SMIM17: variants seen among roughly 807,000 people sequenced by gnomAD.
SMIM17 encodes small integral membrane protein 17.
Under a neutral mutation model 12.2 loss-of-function variants are expected in SMIM17, and 10 were observed. The ratio of observed to expected loss-of-function variants is 0.82; its 90% CI spans 0.50 to 1.39. The LOEUF (loss-of-function observed/expected upper bound fraction) is 1.39. SMIM17 is among the 40% of genes most tolerant of loss of function. The pLI, the probability that SMIM17 is intolerant of heterozygous loss-of-function variation, is 0.00. For missense variants in SMIM17, 136 were observed against 118.2 expected (o/e 1.15, Z -0.70); for synonymous variants, 50 against 44.1 (o/e 1.13, Z -0.53).
In SMIM17 at chr19:56,656,635, G is replaced by A. The variant is rs185394147; in HGVS notation, c.*1422G>A. Among the ~76,000 whole-genome samples, 415 of 152,096 alleles carry A rather than the reference G, an allele frequency of 2.7e-3. 4 individuals are homozygous for A. Among genetic ancestry groups the A allele is most frequent in the Non-Finnish European group, 4.5e-3 (309 of 68,000 alleles). On this transcript the variant is annotated 3_prime_UTR_variant, in exon 4 of 4. Transcript: ENST00000598409. ...ACGCAAATGTACTTCTGGATATAGC[G>A]TTGGCCACATCTTAACATTTGATTA...
intron 2 of SMIM17, among the ~76,000 whole-genome samples, chr19:56,646,881 T>C (rs2045067728): frequency 6.6e-6 from 1 of 152,150 alleles, no homozygotes; most frequent in Non-Finnish European, 1.5e-5. Context: ...GGGCTGAACC[T>C]TATACCAACT....
chr19:56,644,218 G>T lies in SMIM17; in HGVS notation c.-101+1008G>T, dbSNP rs142678815. ...TGTCTCATATTAAAAACAAAGCCAA[G>T]CAAAACCCCAAAGCAATAAACAAAT... On this transcript the variant is annotated intron_variant, in intron 1 of 3. Coordinates refer to ENST00000598409, the MANE Select transcript of SMIM17 (RefSeq NM_001193628.2). Among the ~76,000 whole-genome samples the T allele has an allele frequency of 7.4e-4, 112 of 152,048 alleles. 1 individual carries two copies. In the East Asian group the frequency reaches 0.02, roughly 28 times the overall value.
intron 2 of SMIM17, among the ~76,000 whole-genome samples, chr19:56,646,657 C>A (rs945841439): frequency 1.3e-5 from 2 of 152,040 alleles, no homozygotes; most frequent in African/African-American, 4.8e-5. Flanking sequence ...AGGTGGGAGG[C>A]CAGTTAGGAG....
chr19:56,651,160 T>C (rs1343190549), intron 3 of SMIM17, among the ~76,000 whole-genome samples: 1 of 152,208 alleles, frequency 6.6e-6, no homozygotes, highest in African/African-American at 2.4e-5. Context: ...TCTACTTACC[T>C]TAATTTACTT....
chr19:56,650,857 C>T (rs891190347), intron 3 of SMIM17, among the ~76,000 whole-genome samples: 4 of 152,206 alleles, frequency 2.6e-5, no homozygotes, highest in African/African-American at 9.7e-5. Flanking sequence ...GAAGAAATGA[C>T]AAGGTCGATT....
In SMIM17 at chr19:56,655,453, A is replaced by T. The variant is rs1233314967; in HGVS notation, c.*240A>T. On this transcript the variant is annotated 3_prime_UTR_variant, in exon 4 of 4. Coordinates refer to ENST00000598409, the MANE Select transcript of SMIM17 (RefSeq NM_001193628.2). ...TATTTTGTATACCACGGAGAAAGAAAAGTGCTAATTAATCATTAAGATGCC... is the reference window on the plus strand; with the variant it reads ...TATTTTGTATACCACGGAGAAAGAATAGTGCTAATTAATCATTAAGATGCC... 2.4e-6 allele frequency: 1 copy of T among 418,696 alleles called. No individual in the cohort carries two copies. Among genetic ancestry groups the T allele is most frequent in the South Asian group, 8.9e-5 (1 of 11,194 alleles). 25.9% of individuals were successfully genotyped at this position (418,696 alleles called of 1,614,324 possible). A position where few individuals can be genotyped will look rare whatever the true frequency, so the allele number is the denominator to read the frequency against.
At chr19:56,655,024 T>C in intron 3 of SMIM17, 79 bp from the exon 4 acceptor site, 1 of 573,180 alleles carries the variant, frequency 1.7e-6, no homozygotes, top group Non-Finnish European at 3.2e-6. Context: ...TTTCTGATCA[T>C]ATAAGTCTAT....
rs146553925 is a variant in SMIM17 at position 56,643,632 on chromosome 19, T to G, written c.-101+422T>G. Among the ~76,000 whole-genome samples, 1,194 of 152,244 alleles carry G rather than the reference T, an allele frequency of 7.8e-3. 8 individuals are homozygous for G. The highest frequency in any genetic ancestry group is 0.031 in the Middle Eastern group (9 of 294). ...TGCCCGAGTGTGCACCTGTGCGTGT[T>G]CGCGTTGTGTGTCCGCCTGGGCCCC... is the stretch of plus-strand genomic sequence containing the variant. On this transcript the variant is annotated intron_variant, in intron 1 of 3. Transcript: ENST00000598409.
chr19:56,647,598 C>T lies in SMIM17; in HGVS notation c.210C>T (p.Ser70=), dbSNP rs575575427. The change falls in exon 3 of 4, where the codon AGC becomes AGT. Residue 70 remains serine, a synonymous_variant. Transcript: ENST00000598409. ...SQETGLSQEW[S]SVEEDDESEG... ...AGACTGGGCTTTCCCAGGAGTGGAG[C>T]TCGGTGGAGGAAGATGACGAATCAG... The T allele has an allele frequency of 6.5e-7, 1 of 1,535,706 alleles. No homozygotes were observed. The highest frequency in any genetic ancestry group is 2.0e-5 in the Admixed American group (1 of 50,960).
rs1187573107 is a variant in SMIM17, at chr19:56,643,197, T to G, written c.-114T>G. 6.6e-6 allele frequency: 1 copy of G among 151,624 alleles called. No homozygotes were observed. Among genetic ancestry groups the G allele is most frequent in the Non-Finnish European group, 1.5e-5 (1 of 68,012 alleles). 9.4% of individuals were successfully genotyped at this position (151,624 alleles called of 1,614,324 possible). Reference sequence around the variant, plus strand: ...CCAGCTCTGCAGAGCCCAGACAGGGTCCGGTTGGGGAGGGTGAGTCCTTCG... The same window carrying G: ...CCAGCTCTGCAGAGCCCAGACAGGGGCCGGTTGGGGAGGGTGAGTCCTTCG... On this transcript the variant is annotated 5_prime_UTR_variant, in exon 1 of 4. Transcript: ENST00000598409.
In SMIM17 at chr19:56,656,449, C is replaced by T. The variant is rs115131726; in HGVS notation, c.*1236C>T. Among the ~76,000 whole-genome samples the T allele has an allele frequency of 1.0e-2, 1,515 of 152,248 alleles. 24 individuals are homozygous for T. The highest frequency in any genetic ancestry group is 0.029 in the African/African-American group (1,213 of 41,558). The stretch of plus-strand genomic sequence containing the variant: ...TACTATTGTTTTTCCAAAGAACCAA[C>T]ATTAGGATTCATTTATATCCATTAT... On this transcript the variant is annotated 3_prime_UTR_variant, in exon 4 of 4. Transcript: ENST00000598409.
intron 3 of SMIM17, among the ~76,000 whole-genome samples, chr19:56,651,601 G>C (rs2148043261): frequency 6.6e-6 from 1 of 152,210 alleles, no homozygotes; most frequent in African/African-American, 2.4e-5. Context: ...AATAACCCCT[G>C]GTAAAAGTTG....
intron 3 of SMIM17, among the ~76,000 whole-genome samples, chr19:56,651,053 C>A (rs2045105466): frequency 6.6e-6 from 1 of 152,168 alleles, no homozygotes; most frequent in African/African-American, 2.4e-5. Context: ...CAGACAACCA[C>A]CCTCTTTCAA....
rs544029388 is a variant in SMIM17, at chr19:56,655,443, G to A, written c.*230G>A. ...TGTAAAACATTATTTTGTATACCACGGAGAAAGAAAAGTGCTAATTAATCA... is the reference window on the plus strand; with the variant it reads ...TGTAAAACATTATTTTGTATACCACAGAGAAAGAAAAGTGCTAATTAATCA... On this transcript the variant is annotated 3_prime_UTR_variant, in exon 4 of 4. Transcript: ENST00000598409. 5 of 421,238 alleles carry A rather than the reference G, an allele frequency of 1.2e-5. No individual in the cohort carries two copies. The highest frequency in any genetic ancestry group is 6.1e-5 in the African/African-American group (3 of 49,122). The allele number at this position is 421,238 out of a possible 1,614,324, so 26.1% of individuals were successfully genotyped here. A position where few individuals can be genotyped will look rare whatever the true frequency, so the allele number is the denominator to read the frequency against.
At chr19:56,646,779 G>A (rs2045066807) in intron 2 of SMIM17, among the ~76,000 whole-genome samples, 1 of 152,160 alleles carries the variant, frequency 6.6e-6, no homozygotes, top group African/African-American at 2.4e-5. Context: ...GAAACGAGAG[G>A]TATCATGATG....
chr19:56,655,139 A>G lies in SMIM17; in HGVS notation c.283A>G (p.Thr95Ala). ...GTGGTCAAAAGCTCCACAACAAACA[A>G]CCATAGTCTTGGTAGTGTGCGTGCT... Reference protein sequence around the residue: ...VEWSKAPQQTTIVLVVCVLFL... With the variant: ...VEWSKAPQQTAIVLVVCVLFL... The change falls in exon 4 of 4, where the codon ACC (threonine) becomes GCC (alanine). Residue 95 changes from threonine (T) to alanine (A), a missense_variant. By Grantham distance (58) the Thr-to-Ala change is moderately conservative. Transcript: ENST00000598409. 1.4e-6 allele frequency: 1 copy of G among 702,244 alleles called. No homozygotes were observed. Among genetic ancestry groups the G allele is most frequent in the Non-Finnish European group, 2.6e-6 (1 of 384,560 alleles). The allele number at this position is 702,244 out of a possible 1,614,324, so 43.5% of individuals were successfully genotyped here. A position where few individuals can be genotyped will look rare whatever the true frequency, so the allele number is the denominator to read the frequency against.
At position 56,655,954 on chromosome 19, in the gene SMIM17, G is replaced by GTT. The variant is rs577062963; in HGVS notation, c.*755_*756dup. Among the ~76,000 whole-genome samples the GTT allele has an allele frequency of 1.9e-3, 256 of 133,094 alleles. 1 individual carries two copies. The highest frequency in any genetic ancestry group is 3.1e-3 in the Admixed American group (40 of 12,946). 87.3% of individuals were successfully genotyped at this position (133,094 alleles called of 152,430 possible). On this transcript the variant is annotated 3_prime_UTR_variant, in exon 4 of 4. Transcript: ENST00000598409. Reference sequence around the variant, plus strand: ...ATTTTGGCGAATTACAGAGGTTTTTGTTTTTTTTTTTTTTTGAGACCGAGT... The same window carrying GTT: ...ATTTTGGCGAATTACAGAGGTTTTTGTTTTTTTTTTTTTTTTTGAGACCGAGT...
chr19:56,647,394 T>TGAGA (rs1314554012), intron 2 of SMIM17, among the ~76,000 whole-genome samples, 164 bp from the exon 3 acceptor site: 3 of 145,284 alleles, frequency 2.1e-5, no homozygotes, highest in East Asian at 3.9e-4. Flanking sequence ...TGTGTGTGTG[T>TGAGA]GAGAGAGAGA....
intron 2 of SMIM17, among the ~76,000 whole-genome samples, chr19:56,646,851 T>A (rs117975845): frequency 0.042 from 6,435 of 152,234 alleles, 171 homozygotes; most frequent in Non-Finnish European, 0.067. Flanking sequence ...GACATCTCAA[T>A]GACACCCCAT....
Sources: allele counts gnomAD v4.1 joint callset (sites outside exome capture counted in the v4.1 genomes callset), GRCh38; gene constraint gnomAD v4.1.1; transcripts MANE v1.5; gene names NCBI Gene and HGNC (gene_info 2026-07-23, HGNC 2026-07-21).